SRL: variants seen among roughly 807,000 people sequenced by gnomAD.
SRL encodes sarcalumenin.
SRL carries 23 observed loss-of-function variants against 39.5 expected under a neutral mutation model. The observed-to-expected ratio is 0.58, with a 90% CI of 0.42 to 0.82. The LOEUF is 0.82. Among genes scored for constraint, SRL ranks in the 40% least tolerant of loss-of-function variants. SRL has a pLI of 0.00. For synonymous variants in SRL, 272 were observed against 237.4 expected (o/e 1.15, Z -1.34); for missense variants, 592 against 607.8 (o/e 0.97, Z 0.27).
At chr16:4,223,082 A>C (rs193238825) in intron 1 of SRL, among the ~76,000 whole-genome samples, 3 of 151,884 alleles carry the variant, frequency 2.0e-5, no homozygotes, top group African/African-American at 4.8e-5. Context: ...ATACAAAAAA[A>C]TTAGCCGGGC....
At chr16:4,230,377 T>C (rs1001097632) in intron 1 of SRL, among the ~76,000 whole-genome samples, 28 of 145,590 alleles carry the variant, frequency 1.9e-4, no homozygotes, top group African/African-American at 6.9e-4. Context: ...AACCTCAGAA[T>C]GTGATTTTTT....
At chr16:4,220,254 A>C (rs992237155) in intron 1 of SRL, among the ~76,000 whole-genome samples, 46 of 138,090 alleles carry the variant, frequency 3.3e-4, no homozygotes, top group Admixed American at 5.4e-4. Flanking sequence ...CCTGGCCAAC[A>C]TAGCGAAAAT....
In SRL at chr16:4,192,784, A is replaced by G. The variant is rs2052085521; in HGVS notation, c.791T>C (p.Met264Thr). The G allele has an allele frequency of 2.5e-6, 4 of 1,614,066 alleles. No homozygotes were observed. The East Asian group carries it at 6.7e-5, about 27-fold the overall frequency. Reference protein sequence around the residue: ...LNKADNLATQMLMRVYGALFW... With the variant: ...LNKADNLATQTLMRVYGALFW... The stretch of plus-strand genomic sequence containing the variant: ...GAGGGCCCCGTAAACCCGCATGAGC[A>G]TTTGGGTGGCCAGATTGTCAGCCTT... Residue 264 changes from methionine to threonine, a missense_variant, in exon 6 of 6, where the codon ATG becomes ACG. Coordinates refer to ENST00000399609, the MANE Select transcript of SRL (RefSeq NM_001098814.2). This position sits in a 1 kb window ranked among gnomAD's most constrained non-coding sequence, Gnocchi z 4.0.
At chr16:4,215,686 T>A (rs1257107775) in intron 1 of SRL, among the ~76,000 whole-genome samples, 1 of 152,164 alleles carries the variant, frequency 6.6e-6, no homozygotes, top group African/African-American at 2.4e-5. Flanking sequence ...TACTCTTCAA[T>A]AACAACTGTT....
intron 1 of SRL, among the ~76,000 whole-genome samples, chr16:4,238,788 ATT>A (rs111353427): frequency 2.8e-4 from 40 of 140,540 alleles, no homozygotes; most frequent in Middle Eastern, 3.7e-3. Context: ...ACACCGAGCT[ATT>A]TTTTTTTTTT....
chr16:4,211,586 A>C (rs111500225), intron 1 of SRL, among the ~76,000 whole-genome samples: 1 of 140,682 alleles, frequency 7.1e-6, no homozygotes, highest in Non-Finnish European at 1.5e-5. Flanking sequence ...GATGATGGTG[A>C]TGATGGTGAT....
In SRL at chr16:4,195,987, G is replaced by A. The variant is rs370480942; in HGVS notation, c.377-201C>T. ...ACCTTTTTTTTCTTTTTGAGATGGA[G>A]TCTTGCTCTGTCACCCAGGCTGGAA... On this transcript the variant is annotated intron_variant, in intron 4 of 5. Transcript: ENST00000399609. Among the ~76,000 whole-genome samples the A allele has an allele frequency of 2.6e-5, 4 of 151,978 alleles. No individual in the cohort carries two copies. The East Asian group carries it at 5.8e-4, about 22-fold the overall frequency.
intron 1 of SRL, among the ~76,000 whole-genome samples, chr16:4,228,567 C>G (rs1364866976): frequency 6.6e-6 from 1 of 151,794 alleles, no homozygotes. Flanking sequence ...AACCCCGTCT[C>G]TACTAAAAAT....
At chr16:4,205,760 A>G (rs977713495) in intron 1 of SRL, among the ~76,000 whole-genome samples, 1 of 152,042 alleles carries the variant, frequency 6.6e-6, no homozygotes, top group Non-Finnish European at 1.5e-5. Context: ...TCCCAAGAGC[A>G]ATGGGAGCCA....
intron 1 of SRL, chr16:4,206,718 A>C (rs1192981672): frequency 2.2e-6 from 1 of 455,366 alleles, no homozygotes; most frequent in East Asian, 7.0e-5. Flanking sequence ...TTAGGGAATT[A>C]ATTCCTACCC....
At chr16:4,230,864 A>G (rs566457099) in intron 1 of SRL, among the ~76,000 whole-genome samples, 88 of 152,340 alleles carry the variant, frequency 5.8e-4, no homozygotes, top group Non-Finnish European at 3.5e-4. Context: ...CAGAGAGTGC[A>G]GTGATGAAGC....
chr16:4,192,222 A>G lies in SRL; in HGVS notation c.1353T>C (p.Asn451=). 6.2e-7 allele frequency: 1 copy of G among 1,607,186 alleles called. No homozygotes were observed. Among genetic ancestry groups the G allele is most frequent in the Non-Finnish European group, 8.5e-7 (1 of 1,177,402 alleles). The stretch of plus-strand genomic sequence containing the variant: ...TTTTGTCACAGTTGAGAGCACCTGG[A>G]TTCTTCCCGAGCCCGAGGCTACCCA... ...GLLGSLGLGK[N]PGALNCDKTG... The change falls in exon 6 of 6, where the codon AAT becomes AAC. Residue 451 remains asparagine (N), a synonymous_variant. Transcript: ENST00000399609. The surrounding 1 kb of genome is among the most constrained non-coding windows in gnomAD (Gnocchi z 4.0).
chr16:4,229,394 G>A (rs1391948642), intron 1 of SRL, among the ~76,000 whole-genome samples: 1 of 151,998 alleles, frequency 6.6e-6, no homozygotes, highest in South Asian at 2.1e-4. Flanking sequence ...AGCTTGCAGT[G>A]AGCCAAGATC....
chr16:4,207,811 G>A, intron 1 of SRL: 1 of 456,420 alleles, frequency 2.2e-6, no homozygotes, highest in Middle Eastern at 3.3e-4. Flanking sequence ...TCCTCCCCAG[G>A]CCCCGCAGCG....
chr16:4,230,762 G>A lies in SRL; in HGVS notation c.61+11245C>T, dbSNP rs143269311. ...AGATGAGATCATACTGGATTAGGTGGGCCCTAAACCCAACATCTTCAATGT... is the reference window on the plus strand; with the variant it reads ...AGATGAGATCATACTGGATTAGGTGAGCCCTAAACCCAACATCTTCAATGT... On this transcript the variant is annotated intron_variant, in intron 1 of 5. Transcript: ENST00000399609. Among the ~76,000 whole-genome samples, 1,215 of 152,164 alleles carry A rather than the reference G, an allele frequency of 8.0e-3. 21 individuals carry two copies. Among genetic ancestry groups the A allele is most frequent in the South Asian group, 0.045 (216 of 4,822 alleles).
At chr16:4,217,269 C>T (rs1340700641) in intron 1 of SRL, among the ~76,000 whole-genome samples, 1 of 152,112 alleles carries the variant, frequency 6.6e-6, no homozygotes, top group Non-Finnish European at 1.5e-5. Flanking sequence ...TCTTTTTTTA[C>T]AGACCCTGTC....
In SRL at chr16:4,209,377, T is replaced by A. The variant is rs557743678; in HGVS notation, c.62-4743A>T. ...GGGGGACATTGCAGGCTCATGGAGATGAGGGGACCACAGGTGTCCTGCCTT... is the reference window on the plus strand; with the variant it reads ...GGGGGACATTGCAGGCTCATGGAGAAGAGGGGACCACAGGTGTCCTGCCTT... On this transcript the variant is annotated intron_variant, in intron 1 of 5. Coordinates refer to ENST00000399609, the MANE Select transcript of SRL (RefSeq NM_001098814.2). 4.2e-4 allele frequency among the ~76,000 whole-genome samples: 64 copies of A among 152,136 alleles called. 1 individual carries two copies. The highest frequency in any genetic ancestry group is 1.1e-3 in the Admixed American group (17 of 15,274).
At position 4,195,682 on chromosome 16, in the gene SRL, G is replaced by C; in HGVS notation, c.481C>G (p.Pro161Ala). 6.2e-7 allele frequency: 1 copy of C among 1,612,568 alleles called. No homozygotes were observed. Among genetic ancestry groups the C allele is most frequent in the Non-Finnish European group, 8.5e-7 (1 of 1,178,582 alleles). Residue 161 changes from proline (P) to alanine (A), a missense_variant, in exon 5 of 6, where the codon CCC becomes GCC. Transcript: ENST00000399609. Reference sequence around the variant, plus strand: ...AAATTCTGGCCAAACTTCTCAAGGGGTGAGAAGGAACGGGCGCTGTCAGCA... The same window carrying C: ...AAATTCTGGCCAAACTTCTCAAGGGCTGAGAAGGAACGGGCGCTGTCAGCA... ...MAADSARSFS[P>A]LEKFGQNFLE...
At chr16:4,198,263 T>C (rs1177532692) in intron 3 of SRL, among the ~76,000 whole-genome samples, 2 of 152,200 alleles carry the variant, frequency 1.3e-5, no homozygotes, top group East Asian at 3.9e-4. Context: ...AGGACGGAGC[T>C]TCCACATGGA....
Sources: gnomAD v4.1 joint callset for allele counts (sites outside exome capture counted in the v4.1 genomes callset) on GRCh38, gnomAD v4.1.1 for gene constraint, Gnocchi (gnomAD v3.1) non-coding constraint, MANE v1.5 for transcripts, NCBI Gene and HGNC (gene_info 2026-07-23, HGNC 2026-07-21) for gene names.